The following STARD13 variants were observed in gnomAD, a reference collection of about 807,000 sequenced individuals.
STARD13 encodes the protein StAR related lipid transfer domain containing 13.
Under a neutral mutation model 106.4 loss-of-function variants are expected in STARD13, and 62 were observed. The observed-to-expected ratio is 0.58, with a 90% CI of 0.48 to 0.72. The LOEUF is 0.72. STARD13 is among the 30% of genes least tolerant of loss of function. The pLI is 0.00. For synonymous variants in STARD13, 565 were observed against 553.0 expected (o/e 1.02, Z -0.31); for missense variants, 1,387 against 1,424.0 (o/e 0.97, Z 0.42).
the STARD13 span, among the ~76,000 whole-genome samples, chr13:33,462,732 T>C: frequency 6.6e-6 from 1 of 151,290 alleles, no homozygotes; most frequent in African/African-American, 2.4e-5. Context: ...ACTCAGGAAG[T>C]CAGCTCCTTC....
At chr13:33,596,424 G>C in the STARD13 span, among the ~76,000 whole-genome samples, 1 of 152,086 alleles carries the variant, frequency 6.6e-6, no homozygotes, top group African/African-American at 2.4e-5. Flanking sequence ...TATATATTTA[G>C]TGATTCATAA....
At chr13:33,389,024 T>TGGCTCACTGCAACCTC in the STARD13 span, among the ~76,000 whole-genome samples, 1 of 151,460 alleles carries the variant, frequency 6.6e-6, no homozygotes, top group Admixed American at 6.6e-5. Context: ...GGTGCAACCT[T>TGGCTCACTGCAACCTC]GGCTCACTGC....
At chr13:33,671,373 G>C in the STARD13 span, among the ~76,000 whole-genome samples, 2 of 152,220 alleles carry the variant, frequency 1.3e-5, no homozygotes, top group South Asian at 4.1e-4. Flanking sequence ...TTCTTGAATA[G>C]GATTATGTTT....
chr13:33,340,998 C>T (rs571959097), intron 1 of STARD13, among the ~76,000 whole-genome samples: 5 of 152,312 alleles, frequency 3.3e-5, no homozygotes, highest in African/African-American at 1.2e-4. Context: ...GGACTAACTA[C>T]AAACGTGACA....
the STARD13 span, among the ~76,000 whole-genome samples, chr13:33,405,124 C>T: frequency 6.6e-6 from 1 of 152,142 alleles, no homozygotes; most frequent in African/African-American, 2.4e-5. Context: ...ATTCTGACGC[C>T]CCTGTCCCCA....
chr13:33,623,242 A>C, the STARD13 span, among the ~76,000 whole-genome samples: 1 of 152,162 alleles, frequency 6.6e-6, no homozygotes, highest in Admixed American at 6.5e-5. Context: ...AAAATGTTTT[A>C]ATGCCATTTT....
At chr13:33,566,856 A>G in the STARD13 span, among the ~76,000 whole-genome samples, 1 of 148,250 alleles carries the variant, frequency 6.7e-6, no homozygotes, top group South Asian at 2.1e-4. Flanking sequence ...CATCTAGCTT[A>G]CAGCAGGCCT....
intron 1 of STARD13, among the ~76,000 whole-genome samples, chr13:33,260,270 C>T (rs189499369): frequency 6.6e-6 from 1 of 152,188 alleles, no homozygotes; most frequent in African/African-American, 2.4e-5. Flanking sequence ...TATTCATTTG[C>T]CATAGATTCA....
At chr13:33,489,807 T>C in the STARD13 span, among the ~76,000 whole-genome samples, 1 of 152,204 alleles carries the variant, frequency 6.6e-6, no homozygotes, top group Non-Finnish European at 1.5e-5. Flanking sequence ...CTGCCCATTT[T>C]GCAAGTTCTC....
intron 3 of STARD13, among the ~76,000 whole-genome samples, chr13:33,155,846 G>A (rs1412836851): frequency 6.6e-6 from 1 of 152,172 alleles, no homozygotes; most frequent in Admixed American, 6.5e-5. Flanking sequence ...AAACAGGTTA[G>A]TGCAAGAACC....
At chr13:33,610,646 A>T in the STARD13 span, among the ~76,000 whole-genome samples, 1 of 152,270 alleles carries the variant, frequency 6.6e-6, no homozygotes, top group East Asian at 1.9e-4. Context: ...TGGGGCCACC[A>T]GGAGGAGTTA....
intron 1 of STARD13, among the ~76,000 whole-genome samples, chr13:33,309,916 T>C (rs978461699): frequency 2.6e-5 from 4 of 152,234 alleles, no homozygotes; most frequent in African/African-American, 9.6e-5. Flanking sequence ...TTCCTTCATA[T>C]GGAATCACAT....
intron 8 of STARD13, among the ~76,000 whole-genome samples, chr13:33,113,742 G>A (rs1478581041): frequency 6.6e-6 from 1 of 152,172 alleles, no homozygotes; most frequent in Non-Finnish European, 1.5e-5. Flanking sequence ...GGTGGTCCTT[G>A]TGGTAGTGGG....
chr13:33,422,069 C>G, the STARD13 span, among the ~76,000 whole-genome samples: 2 of 152,074 alleles, frequency 1.3e-5, no homozygotes, highest in Non-Finnish European at 2.9e-5. Flanking sequence ...CATTCCTATT[C>G]AACACAGTGT....
the STARD13 span, among the ~76,000 whole-genome samples, chr13:33,447,379 C>T: frequency 5.9e-5 from 9 of 152,300 alleles, no homozygotes; most frequent in Admixed American, 5.2e-4. Flanking sequence ...CAGGTGCTCT[C>T]CTTGCCTCTG....
At chr13:33,140,894 G>T (rs1879738176) in intron 4 of STARD13, among the ~76,000 whole-genome samples, 1 of 151,968 alleles carries the variant, frequency 6.6e-6, no homozygotes, top group South Asian at 2.1e-4. Context: ...GATTAGCTGG[G>T]ACTACAGGCG....
the STARD13 span, among the ~76,000 whole-genome samples, chr13:33,642,840 T>TAA: frequency 2.0e-3 from 209 of 106,664 alleles, no homozygotes; most frequent in African/African-American, 5.4e-3. Context: ...AAACAAACAT[T>TAA]AAAAAAAAAA....
chr13:33,647,305 T>A, the STARD13 span, among the ~76,000 whole-genome samples: 3 of 152,192 alleles, frequency 2.0e-5, no homozygotes, highest in African/African-American at 7.2e-5. Flanking sequence ...TCCCAAAACA[T>A]TTATCTCAAT....
At chr13:33,621,371 A>C in the STARD13 span, among the ~76,000 whole-genome samples, 27 of 152,188 alleles carry the variant, frequency 1.8e-4, no homozygotes, top group African/African-American at 6.5e-4. Flanking sequence ...CATCTTAATA[A>C]AACACTAAAA....
Sources: allele counts gnomAD v4.1 joint callset (sites outside exome capture counted in the v4.1 genomes callset), GRCh38; gene constraint gnomAD v4.1.1; transcripts MANE v1.5; gene names NCBI Gene and HGNC (gene_info 2026-07-23, HGNC 2026-07-21).